The following DIP2A variants were observed in gnomAD, a reference collection of about 807,000 sequenced individuals.
DIP2A encodes the protein disco-interacting protein 2 homolog A.
A neutral mutation model predicts 177.4 loss-of-function variants in DIP2A; 85 were observed. That is an observed-to-expected ratio of 0.48 (90% CI 0.40 to 0.57). The LOEUF (loss-of-function observed/expected upper bound fraction) is 0.57. Among genes scored for constraint, DIP2A ranks in the 20% least tolerant of loss-of-function variants. The probability of loss-of-function intolerance (pLI) is 0.00; values close to 1 mark genes in which losing one functional copy is unlikely to be tolerated. For synonymous variants in DIP2A, 886 were observed against 881.8 expected, an observed-to-expected ratio of 1.00 and a Z score of -0.08; for missense variants, 1,791 against 2,100.2, an observed-to-expected ratio of 0.85 and a Z score of 2.88.
chr21:46,555,907 T>C, intron 28 of DIP2A, 75 bp from the exon 29 acceptor site: 1 of 1,132,448 alleles, frequency 8.8e-7, no homozygotes, highest in African/African-American at 1.5e-5. Flanking sequence ...ATGTGTCGCC[T>C]CTTGCCTGTG....
intron 8 of DIP2A, among the ~76,000 whole-genome samples, chr21:46,514,066 G>T (rs559156996): frequency 3.3e-5 from 5 of 152,052 alleles, no homozygotes; most frequent in Non-Finnish European, 7.4e-5. Flanking sequence ...TGTTACAAGT[G>T]CTGTAATTTG....
At chr21:46,551,998 T>TC (rs2060291084) in intron 25 of DIP2A, 94 bp downstream of exon 25, 2 of 1,411,046 alleles carry the variant, frequency 1.4e-6, no homozygotes, top group Admixed American at 3.9e-5. Context: ...TCCTGGTTGT[T>TC]CTCATGTTTA....
Position 46,498,648 on chromosome 21 carries a change from T to C in DIP2A, c.470T>C (p.Leu157Pro), listed in dbSNP as rs2057488293. ...RRPGRLTSTPLQSHSSVEPWL... is the reference protein window; with the variant it reads ...RRPGRLTSTPPQSHSSVEPWL... ...CCCGGGCGACTCACCTCCACTCCGC[T>C]CCAGAGCCATTCCAGCGTCGAGCCC... The change falls in exon 5 of 38, where the codon CTC becomes CCC. Residue 157 changes from leucine (L) to proline (P), a missense_variant. Leu to Pro is a moderately conservative substitution (Grantham distance 98). Transcript: ENST00000417564. This position sits in a 1 kb window ranked among gnomAD's most constrained non-coding sequence, Gnocchi z 4.3. The C allele has an allele frequency of 1.2e-6, 2 of 1,613,666 alleles. No homozygotes were observed. Among genetic ancestry groups the C allele is most frequent in the African/African-American group, 1.3e-5 (1 of 75,000 alleles).
chr21:46,557,459 T>C lies in DIP2A; in HGVS notation c.3630-126T>C. ...CATGTTTTCCACCAAACCCCCCCAC[T>C]TGGCGTCAGAACAGAAATCATGCCC... is the stretch of plus-strand genomic sequence containing the variant. On this transcript the variant is annotated intron_variant, in intron 30 of 37. Transcript: ENST00000417564. The surrounding 1 kb of genome is among the most constrained non-coding windows in gnomAD (Gnocchi z 6.0). 1 of 1,202,218 alleles carries C rather than the reference T, an allele frequency of 8.3e-7. No individual in the cohort carries two copies. The highest frequency in any genetic ancestry group is 2.9e-4 in the Middle Eastern group (1 of 3,460). The allele number at this position is 1,202,218 out of a possible 1,614,324, so 74.5% of individuals were successfully genotyped here. A position where few individuals can be genotyped will look rare whatever the true frequency, so the allele number is the denominator to read the frequency against.
At chr21:46,463,721 T>TGTGTGTGTGTGTGTGTGTGTG (rs2054545671) in intron 1 of DIP2A, among the ~76,000 whole-genome samples, 1 of 148,334 alleles carries the variant, frequency 6.7e-6, no homozygotes. Flanking sequence ...TGTGTGTGTA[T>TGTGTGTGTGTGTGTGTGTGTG]ATTTTGAGAC....
intron 8 of DIP2A, among the ~76,000 whole-genome samples, chr21:46,517,118 C>T (rs1280616812): frequency 3.2e-5 from 4 of 126,068 alleles, no homozygotes; most frequent in Admixed American, 2.0e-4. Context: ...CACTGGAGTG[C>T]AGTGGTGATC....
At chr21:46,504,308 T>C in intron 5 of DIP2A, 53 bp from the exon 6 acceptor site, 1 of 1,605,570 alleles carries the variant, frequency 6.2e-7, no homozygotes, top group Non-Finnish European at 8.5e-7. Flanking sequence ...AGCAGCTTAA[T>C]ACTCATTTGA....
At chr21:46,472,445 C>T (rs1367065655) in intron 1 of DIP2A, among the ~76,000 whole-genome samples, 2 of 152,170 alleles carry the variant, frequency 1.3e-5, no homozygotes, top group Non-Finnish European at 2.9e-5. Flanking sequence ...GGCTGAAAGA[C>T]ATGTAAACAG....
At chr21:46,463,424 T>A (rs1231864988) in intron 1 of DIP2A, among the ~76,000 whole-genome samples, 6 of 152,182 alleles carry the variant, frequency 3.9e-5, no homozygotes, top group Admixed American at 3.9e-4. Context: ...TAGACTACAG[T>A]GGGTTAGAGA....
intron 31 of DIP2A, 22 bp from the exon 32 acceptor site, chr21:46,558,201 T>G (rs2060536413): frequency 1.3e-6 from 2 of 1,599,094 alleles, no homozygotes; most frequent in African/African-American, 2.7e-5. Context: ...GGCCGTGGCC[T>G]GACCGCTCAC....
intron 1 of DIP2A, among the ~76,000 whole-genome samples, chr21:46,478,439 G>A (rs111265675): frequency 1.3e-5 from 2 of 151,592 alleles, no homozygotes; most frequent in Non-Finnish European, 2.9e-5. Context: ...CTCGAACTCC[G>A]GACCTCAGGT....
At chr21:46,513,903 AG>A (rs1383787426) in intron 8 of DIP2A, among the ~76,000 whole-genome samples, 10 of 152,200 alleles carry the variant, frequency 6.6e-5, no homozygotes, top group Non-Finnish European at 1.5e-4. Context: ...ATTTCGGATA[AG>A]GGATACTCAA....
intron 26 of DIP2A, 33 bp from the exon 27 acceptor site, chr21:46,554,542 C>T (rs745604408): frequency 9.0e-5 from 144 of 1,602,234 alleles, no homozygotes; most frequent in Non-Finnish European, 1.1e-4. Flanking sequence ...CTCTTGCGGC[C>T]GGCCTCCTCA....
chr21:46,524,025 G>A (rs1194007107), intron 8 of DIP2A, among the ~76,000 whole-genome samples: 1 of 152,226 alleles, frequency 6.6e-6, no homozygotes, highest in Non-Finnish European at 1.5e-5. Flanking sequence ...TCAGGCAGCC[G>A]CTTGTCAGTA....
chr21:46,473,269 C>T (rs988857176), intron 1 of DIP2A, among the ~76,000 whole-genome samples: 2 of 151,462 alleles, frequency 1.3e-5, no homozygotes, highest in Admixed American at 1.3e-4. Context: ...TTTGAGACTA[C>T]CCTGGGCAAC....
chr21:46,464,817 C>CTTTTTTTTTT lies in DIP2A; in HGVS notation c.91+5613_91+5622dup, dbSNP rs1168153777. Among the ~76,000 whole-genome samples the CTTTTTTTTTT allele has an allele frequency of 6.9e-3, 504 of 73,388 alleles. 76 individuals carry two copies. The highest frequency in any genetic ancestry group is 0.024 in the African/African-American group (390 of 16,454). The allele number at this position is 73,388 out of a possible 152,430, so 48.1% of individuals were successfully genotyped here. On this transcript the variant is annotated intron_variant, in intron 1 of 37. Coordinates refer to ENST00000417564, the MANE Select transcript of DIP2A (RefSeq NM_015151.4). Reference sequence around the variant, plus strand: ...TCTTCCTTTTTCTTAATATTCATGTCTTTTTTTTTTTTTTTTTTTTTTTTT... The same window carrying CTTTTTTTTTT: ...TCTTCCTTTTTCTTAATATTCATGTCTTTTTTTTTTTTTTTTTTTTTTTTTTTTTTTTTTT...
At chr21:46,558,497 C>T (rs2060551948) in intron 32 of DIP2A, 104 bp downstream of exon 32, 2 of 1,189,602 alleles carry the variant, frequency 1.7e-6, no homozygotes, top group East Asian at 2.6e-5. Context: ...TGATCTATTT[C>T]TCCTTCTCTG....
intron 3 of DIP2A, among the ~76,000 whole-genome samples, chr21:46,495,247 TCTCTCTCTC>T (rs1568967793): frequency 2.1e-5 from 2 of 93,996 alleles, no homozygotes; most frequent in African/African-American, 7.4e-5. Flanking sequence ...CTCTTCTTTC[TCTCTCTCTC>T]TCTCTCTCTC....
In DIP2A at chr21:46,465,470, A is replaced by G. The variant is rs576344885; in HGVS notation, c.91+6248A>G. On this transcript the variant is annotated intron_variant, in intron 1 of 37. Transcript: ENST00000417564. ...GTGCCTGTAATCCCAGCTACGTGGG[A>G]GGCTGAGGCAGGAGAATCGCTCAAA... Among the ~76,000 whole-genome samples the G allele has an allele frequency of 9.8e-5, 15 of 152,294 alleles. No homozygotes were observed. The East Asian group carries it at 2.5e-3, about 25-fold the overall frequency.
Sources: gnomAD v4.1 joint callset for allele counts (sites outside exome capture counted in the v4.1 genomes callset) on GRCh38, gnomAD v4.1.1 for gene constraint, Gnocchi (gnomAD v3.1) non-coding constraint, MANE v1.5 for transcripts, NCBI Gene and HGNC (gene_info 2026-07-23, HGNC 2026-07-21) for gene names.